The following VXN variants were observed in gnomAD, a reference collection of about 807,000 sequenced individuals.
VXN encodes uncharacterized protein C8orf46.
A neutral mutation model predicts 23.1 loss-of-function variants in VXN; 7 were observed. The ratio of observed to expected loss-of-function variants is 0.30; its 90% CI spans 0.17 to 0.57. VXN has a LOEUF of 0.57. Among genes scored for constraint, VXN ranks in the 20% least tolerant of loss-of-function variants. The probability of loss-of-function intolerance (pLI) is 0.91; values close to 1 mark genes in which losing one functional copy is unlikely to be tolerated. For missense variants in VXN, 238 were observed against 272.6 expected, an observed-to-expected ratio of 0.87 and a Z score of 0.89; for synonymous variants, 120 against 105.8, an observed-to-expected ratio of 1.13 and a Z score of -0.83.
intron 2 of VXN, chr8:66,498,777 T>C: frequency 2.2e-6 from 1 of 454,188 alleles, no homozygotes; most frequent in South Asian, 1.6e-5. Flanking sequence ...TAGTGCAAAA[T>C]TTAAAATCTA....
chr8:66,502,009 TAGAC>T (rs970479364), intron 2 of VXN, among the ~76,000 whole-genome samples: 1 of 152,238 alleles, frequency 6.6e-6, no homozygotes, highest in Non-Finnish European at 1.5e-5. Context: ...TCTTATCCCT[TAGAC>T]TACCATGTGA....
intron 3 of VXN, among the ~76,000 whole-genome samples, chr8:66,508,196 C>T (rs943231934): frequency 6.6e-6 from 1 of 152,134 alleles, no homozygotes; most frequent in Non-Finnish European, 1.5e-5. Flanking sequence ...CCTTGTCCTC[C>T]CCACACCTTC....
At position 66,506,235 on chromosome 8, in the gene VXN, G is replaced by GAC. The variant is rs1251416575; in HGVS notation, c.280+707_280+708insAC. Among the ~76,000 whole-genome samples, 370 of 90,122 alleles carry GAC rather than the reference G, an allele frequency of 4.1e-3. 2 individuals are homozygous for GAC. The highest frequency in any genetic ancestry group is 0.018 in the African/African-American group (357 of 19,348). The allele number at this position is 90,122 out of a possible 152,430, so 59.1% of individuals were successfully genotyped here. ...AGAGAGAGAGAGAGAGAGAGACAGT[G>GAC]TGTGTGTGTGTGTGTGTGTGTGTGT... On this transcript the variant is annotated intron_variant, in intron 3 of 5. Transcript: ENST00000305454.
intron 3 of VXN, among the ~76,000 whole-genome samples, chr8:66,508,303 G>C (rs527317050): frequency 6.6e-6 from 1 of 151,916 alleles, no homozygotes; most frequent in Non-Finnish European, 1.5e-5. Flanking sequence ...CCTTCATCTC[G>C]GCTGTGTAGA....
At chr8:66,502,518 C>A (rs1807702854) in intron 2 of VXN, among the ~76,000 whole-genome samples, 2 of 152,114 alleles carry the variant, frequency 1.3e-5, no homozygotes, top group Non-Finnish European at 2.9e-5. Context: ...GAGGCCGAGG[C>A]AGGTGGATTG....
intron 2 of VXN, among the ~76,000 whole-genome samples, chr8:66,500,170 A>G (rs1001541144): frequency 2.6e-5 from 4 of 152,204 alleles, no homozygotes; most frequent in African/African-American, 9.6e-5. Flanking sequence ...TTTCTATTAA[A>G]CAATGCCACA....
chr8:66,515,263 A>G (rs183149651), intron 5 of VXN, among the ~76,000 whole-genome samples: 4 of 152,258 alleles, frequency 2.6e-5, no homozygotes, highest in East Asian at 1.9e-4. Flanking sequence ...TGTCATTTCA[A>G]TTTGTTCCTG....
intron 4 of VXN, 163 bp downstream of exon 4, chr8:66,510,320 T>C: frequency 1.6e-6 from 1 of 613,174 alleles, no homozygotes; most frequent in Non-Finnish European, 2.8e-6. Flanking sequence ...AGCTCTCAGT[T>C]GGCCCTAATT....
intron 3 of VXN, among the ~76,000 whole-genome samples, chr8:66,506,847 T>C (rs1005633884): frequency 3.4e-5 from 4 of 118,742 alleles, no homozygotes; most frequent in African/African-American, 1.3e-4. Flanking sequence ...TTGAAAGCAT[T>C]AGGAAAACCA....
rs139248084 is a variant in VXN, at chr8:66,494,069, G to T, written c.70+351G>T. Among the ~76,000 whole-genome samples the T allele has an allele frequency of 5.0e-3, 762 of 152,222 alleles. 6 individuals are homozygous for T. The highest frequency in any genetic ancestry group is 7.0e-3 in the Non-Finnish European group (474 of 68,000). ...TAGATAGAGACTTTCATTTTTTCCA[G>T]TGAGCAAGTGGGTTCTGAAATGAGA... On this transcript the variant is annotated intron_variant, in intron 1 of 5. Coordinates refer to ENST00000305454, the MANE Select transcript of VXN (RefSeq NM_152765.4).
intron 1 of VXN, among the ~76,000 whole-genome samples, chr8:66,495,972 T>A (rs1586514400): frequency 6.6e-6 from 1 of 152,186 alleles, no homozygotes; most frequent in Non-Finnish European, 1.5e-5. Context: ...ACAAATTTGG[T>A]TTTTTGTCCT....
At chr8:66,497,570 A>G (rs1807640445) in intron 2 of VXN, among the ~76,000 whole-genome samples, 1 of 152,224 alleles carries the variant, frequency 6.6e-6, no homozygotes, top group African/African-American at 2.4e-5. Context: ...TTTTATATAT[A>G]AATTTCTTTA....
intron 4 of VXN, among the ~76,000 whole-genome samples, chr8:66,513,333 A>G (rs1306676303): frequency 3.9e-5 from 6 of 152,186 alleles, no homozygotes; most frequent in Non-Finnish European, 8.8e-5. Context: ...TCTCAGGCCC[A>G]CAGCAGACCC....
chr8:66,513,727 C>T (rs1352002528), intron 5 of VXN, 90 bp downstream of exon 5: 11 of 1,075,108 alleles, frequency 1.0e-5, no homozygotes, highest in Admixed American at 4.5e-5. Context: ...GCCTGGTTGA[C>T]AGACCCTCGA....
At chr8:66,495,732 G>C (rs1159364641) in intron 1 of VXN, among the ~76,000 whole-genome samples, 1 of 152,074 alleles carries the variant, frequency 6.6e-6, no homozygotes, top group Non-Finnish European at 1.5e-5. Context: ...ATTTCTTTAA[G>C]CTTTTTTATA....
chr8:66,498,723 G>C (rs995451473), intron 2 of VXN: 5 of 389,370 alleles, frequency 1.3e-5, no homozygotes, highest in Non-Finnish European at 2.1e-5. Flanking sequence ...TGCCCCGGGA[G>C]GGGATATGCA....
chr8:66,503,893 T>C (rs575131105), intron 2 of VXN, among the ~76,000 whole-genome samples: 1 of 152,302 alleles, frequency 6.6e-6, no homozygotes, highest in East Asian at 1.9e-4. Context: ...GAGCCTCCAT[T>C]ATTGTGGAAA....
At chr8:66,506,611 C>T (rs1396758629) in intron 3 of VXN, among the ~76,000 whole-genome samples, 3 of 152,122 alleles carry the variant, frequency 2.0e-5, no homozygotes, top group Non-Finnish European at 2.9e-5. Flanking sequence ...AGCCTTCGGG[C>T]GTTGGCAACT....
In VXN at chr8:66,496,359, C is replaced by T. The variant is rs940119816; in HGVS notation, c.71-78C>T. ...CCCCTGCCTCGCCACAGATTCAAAC[C>T]TTCTCAGTGTTGTTACTGTAGCTAT... is the stretch of plus-strand genomic sequence containing the variant. On this transcript the variant is annotated intron_variant, in intron 1 of 5. Coordinates refer to ENST00000305454, the MANE Select transcript of VXN (RefSeq NM_152765.4). 1.3e-4 allele frequency: 184 copies of T among 1,374,602 alleles called. 1 individual carries two copies. Among genetic ancestry groups the T allele is most frequent in the Non-Finnish European group, 1.8e-4 (178 of 964,068 alleles). 85.2% of individuals were successfully genotyped at this position (1,374,602 alleles called of 1,614,324 possible). A position where few individuals can be genotyped will look rare whatever the true frequency, so the allele number is the denominator to read the frequency against.
Sources: allele counts gnomAD v4.1 joint callset (sites outside exome capture counted in the v4.1 genomes callset), GRCh38; gene constraint gnomAD v4.1.1; transcripts MANE v1.5; gene names NCBI Gene and HGNC (gene_info 2026-07-23, HGNC 2026-07-21).